PTK7: variants seen among roughly 807,000 people sequenced by gnomAD.
PTK7 encodes the protein protein tyrosine kinase 7 (inactive).
PTK7 carries 39 observed loss-of-function variants against 116.6 expected under a neutral mutation model. The ratio of observed to expected loss-of-function variants is 0.33; its 90% confidence interval spans 0.26 to 0.44. The LOEUF (loss-of-function observed/expected upper bound fraction) is 0.44, where lower values mean the gene tolerates loss of function less well. PTK7 is among the 20% of genes least tolerant of loss of function. The probability of loss-of-function intolerance (pLI) is 1.00; values close to 1 mark genes in which losing one functional copy is unlikely to be tolerated. For synonymous variants in PTK7, 546 were observed against 563.6 expected, an observed-to-expected ratio of 0.97 and a Z score of 0.44; for missense variants, 1,169 against 1,425.6, an observed-to-expected ratio of 0.82 and a Z score of 2.90.
chr6:43,129,529 G>A lies in PTK7; in HGVS notation c.368-198G>A. ...AGGGCGGCCGAGCCCTTGGCCAAGT[G>A]TCAGACTTGACCTGCCAGGGACCAG... On this transcript the variant is annotated intron_variant, in intron 2 of 19. Transcript: ENST00000230419. The surrounding 1 kb of genome is among the most constrained non-coding windows in gnomAD (Gnocchi z 4.5). 1 of 688,536 alleles carries A rather than the reference G, an allele frequency of 1.5e-6. No homozygotes were observed. Among genetic ancestry groups the A allele is most frequent in the East Asian group, 2.7e-5 (1 of 36,710 alleles). The allele number at this position is 688,536 out of a possible 1,614,324, so 42.7% of individuals were successfully genotyped here.
chr6:43,103,456 G>GGT (rs3840390), intron 1 of PTK7, among the ~76,000 whole-genome samples: 17,135 of 150,202 alleles, frequency 0.11, 1,674 homozygotes, highest in African/African-American at 0.27. Flanking sequence ...GAGTATTACA[G>GGT]GTGTGTGTGT....
At position 43,129,043 on chromosome 6, in the gene PTK7, C is replaced by T. The variant is rs1277236413; in HGVS notation, c.146C>T (p.Ala49Val). The T allele has an allele frequency of 6.8e-6, 11 of 1,614,052 alleles. No homozygotes were observed. Among genetic ancestry groups the T allele is most frequent in the Admixed American group, 6.7e-5 (4 of 60,006 alleles). ...SSQDALQGRR[A>V]LLRCEVEAPG... ...CAGGATGCACTGCAGGGGCGCCGGGCGCTGCTTCGCTGTGAGGTTGAGGCT... is the reference window on the plus strand; with the variant it reads ...CAGGATGCACTGCAGGGGCGCCGGGTGCTGCTTCGCTGTGAGGTTGAGGCT... The change falls in exon 2 of 20, where the codon GCG becomes GTG. Residue 49 changes from alanine to valine, a missense_variant. This residue lies in a region of PTK7 where 487 missense variants were observed against 549.8 expected (regional missense o/e 0.89). Transcript: ENST00000230419. This position sits in a 1 kb window ranked among gnomAD's most constrained non-coding sequence, Gnocchi z 4.5.
chr6:43,155,253 G>A (rs1771355715), intron 17 of PTK7, among the ~76,000 whole-genome samples: 2 of 151,990 alleles, frequency 1.3e-5, no homozygotes, highest in African/African-American at 2.4e-5. Context: ...GAACTCCTGG[G>A]CTCAAGCAAT....
chr6:43,130,793 T>A (rs1282405811), intron 5 of PTK7, 132 bp downstream of exon 5: 42 of 1,297,980 alleles, frequency 3.2e-5, no homozygotes, highest in Non-Finnish European at 4.1e-5. Context: ...GAGACACAGT[T>A]GAATGTTTTG....
chr6:43,130,632 G>A lies in PTK7; in HGVS notation c.783G>A (p.Glu261=). The change falls in exon 5 of 20, where the codon GAG becomes GAA. Residue 261 remains glutamate (E), a synonymous_variant. Coordinates refer to ENST00000230419, the MANE Select transcript of PTK7 (RefSeq NM_002821.5). ...CCCCGAGCCTGCAGTGGCTCTTTGA[G>A]GATGAGACTCCCATCACTAACCGCA... The part of the protein sequence containing the change: ...QPPPSLQWLF[E]DETPITNRSR... The A allele has an allele frequency of 6.2e-7, 1 of 1,614,216 alleles. No homozygotes were observed. Among genetic ancestry groups the A allele is most frequent in the Non-Finnish European group, 8.5e-7 (1 of 1,180,036 alleles).
chr6:43,093,123 C>G (rs1289440646), intron 1 of PTK7, among the ~76,000 whole-genome samples: 2 of 147,752 alleles, frequency 1.4e-5, no homozygotes, highest in Non-Finnish European at 3.0e-5. Context: ...GTGTCCCTAA[C>G]AAGGCAGACA....
chr6:43,145,635 C>CA lies in PTK7; in HGVS notation c.2640+204dup, dbSNP rs1770685093. ...TCTTGGATGCCTGCTTTCCCTTTAT[C>CA]AGCACCCAGTCTTTCCATCTGTATC... On this transcript the variant is annotated intron_variant, in intron 16 of 19. Coordinates refer to ENST00000230419, the MANE Select transcript of PTK7 (RefSeq NM_002821.5). The surrounding 1 kb of genome is among the most constrained non-coding windows in gnomAD (Gnocchi z 4.8). 2.5e-6 allele frequency: 1 copy of CA among 395,864 alleles called. No homozygotes were observed. The highest frequency in any genetic ancestry group is 2.0e-5 in the African/African-American group (1 of 49,598). The allele number at this position is 395,864 out of a possible 1,614,324, so 24.5% of individuals were successfully genotyped here.
At chr6:43,160,024 A>G in intron 19 of PTK7, 58 bp downstream of exon 19, 1 of 1,526,962 alleles carries the variant, frequency 6.5e-7, no homozygotes, top group Non-Finnish European at 8.8e-7. Flanking sequence ...GGGCCTACTC[A>G]GGGCCCCAGG....
intron 1 of PTK7, among the ~76,000 whole-genome samples, chr6:43,082,256 A>G (rs967165352): frequency 1.3e-5 from 2 of 151,824 alleles, no homozygotes; most frequent in African/African-American, 2.4e-5. Flanking sequence ...GCTCACTGCA[A>G]CCTCCACCTC....
intron 1 of PTK7, among the ~76,000 whole-genome samples, chr6:43,121,061 T>G (rs1163339296): frequency 2.7e-5 from 4 of 146,080 alleles, no homozygotes; most frequent in Middle Eastern, 3.5e-3. Flanking sequence ...TTTCTGTTTT[T>G]TTTTTTTTTT....
intron 17 of PTK7, among the ~76,000 whole-genome samples, chr6:43,154,837 A>G (rs990828913): frequency 1.3e-5 from 2 of 152,218 alleles, no homozygotes; most frequent in African/African-American, 2.4e-5. Context: ...CAGCAGCCCA[A>G]CCTCTGTGCC....
intron 1 of PTK7, among the ~76,000 whole-genome samples, chr6:43,085,867 A>C (rs1766620301): frequency 7.0e-6 from 1 of 142,444 alleles, no homozygotes; most frequent in African/African-American, 2.6e-5. Context: ...CGGGAGGCCG[A>C]GGTTGTGGTG....
chr6:43,115,802 T>G (rs1768477071), intron 1 of PTK7, among the ~76,000 whole-genome samples: 1 of 151,364 alleles, frequency 6.6e-6, no homozygotes, highest in African/African-American at 2.4e-5. Context: ...CCTGGCACTG[T>G]GGCGGGTGTC....
rs767965571 is a variant in PTK7 at position 43,160,030 on chromosome 6, C to T, written c.3052+64C>T. 4.6e-6 allele frequency: 7 copies of T among 1,532,100 alleles called. No homozygotes were observed. The African/African-American group carries it at 8.3e-5, about 18-fold the overall frequency. 94.9% of individuals were successfully genotyped at this position (1,532,100 alleles called of 1,614,324 possible). On this transcript the variant is annotated intron_variant, in intron 19 of 19. Transcript: ENST00000230419. ...CCCCAGATGGGGCCTACTCAGGGCC[C>T]CAGGGCTGGTTCAGCCTACCTCCCT...
In PTK7 at chr6:43,161,038, C is replaced by G. The variant is rs1270136579; in HGVS notation, c.*157C>G. ...TCTGAGCAGGGCCTGGCCTTTCCTC[C>G]TCTTCCTCACCCTCATCCTTTGGGA... On this transcript the variant is annotated 3_prime_UTR_variant, in exon 20 of 20. Coordinates refer to ENST00000230419, the MANE Select transcript of PTK7 (RefSeq NM_002821.5). The G allele has an allele frequency of 1.9e-6, 2 of 1,063,006 alleles. No individual in the cohort carries two copies. Among genetic ancestry groups the G allele is most frequent in the South Asian group, 1.7e-5 (1 of 58,368 alleles). The allele number at this position is 1,063,006 out of a possible 1,614,324, so 65.8% of individuals were successfully genotyped here.
chr6:43,129,256 A>C lies in PTK7; in HGVS notation c.359A>C (p.Asn120Thr). The change falls in exon 2 of 20, where the codon AAC becomes ACC. Residue 120 changes from asparagine to threonine, a missense_variant. By Grantham distance (65) the Asn-to-Thr change is moderately conservative. Around this residue, in one of 3 missense-constraint regions of PTK7, gnomAD observed 487 missense variants for 549.8 expected, o/e 0.89. Coordinates refer to ENST00000230419, the MANE Select transcript of PTK7 (RefSeq NM_002821.5). The surrounding 1 kb of genome is among the most constrained non-coding windows in gnomAD (Gnocchi z 4.5). ...EEARSANASF[N>T]IKWIEAGPVV... ...GCCCGCAGTGCCAACGCCTCCTTCA[A>C]CATCAAATGTGAGAGCCAGGGGGGC... 6.2e-7 allele frequency: 1 copy of C among 1,614,060 alleles called. No individual in the cohort carries two copies. The highest frequency in any genetic ancestry group is 2.2e-5 in the East Asian group (1 of 44,874).
chr6:43,077,450 G>C (rs982869820), intron 1 of PTK7, among the ~76,000 whole-genome samples: 10 of 152,082 alleles, frequency 6.6e-5, no homozygotes, highest in Non-Finnish European at 1.5e-4. Flanking sequence ...GCATTTTAAC[G>C]AGGGTGTGGC....
Position 43,076,671 on chromosome 6 carries a change from G to T in PTK7, c.79+104G>T. 7.1e-7 allele frequency: 1 copy of T among 1,416,154 alleles called. No individual in the cohort carries two copies. The highest frequency in any genetic ancestry group is 9.4e-7 in the Non-Finnish European group (1 of 1,063,266). The allele number at this position is 1,416,154 out of a possible 1,614,324, so 87.7% of individuals were successfully genotyped here. A position where few individuals can be genotyped will look rare whatever the true frequency, so the allele number is the denominator to read the frequency against. Reference sequence around the variant, plus strand: ...GGGTTTGGGCGGCTGGAACGGCCCTGGAGTAGTGGAGAGGCTCGCTGGGGG... The same window carrying T: ...GGGTTTGGGCGGCTGGAACGGCCCTTGAGTAGTGGAGAGGCTCGCTGGGGG... On this transcript the variant is annotated intron_variant, in intron 1 of 19. Transcript: ENST00000230419. The surrounding 1 kb of genome is among the most constrained non-coding windows in gnomAD (Gnocchi z 5.7).
intron 16 of PTK7, among the ~76,000 whole-genome samples, 157 bp from the exon 17 acceptor site, chr6:43,146,461 A>C (rs766128384): frequency 2.0e-5 from 1 of 51,152 alleles, no homozygotes; most frequent in Admixed American, 2.5e-4. Flanking sequence ...AAAGTTCTGC[A>C]CTCCCAGTGA....
Sources: gnomAD v4.1 joint callset for allele counts (sites outside exome capture counted in the v4.1 genomes callset) on GRCh38, gnomAD v4.1.1 for gene constraint, gnomAD v4.1.1 regional missense constraint, Gnocchi (gnomAD v3.1) non-coding constraint, MANE v1.5 for transcripts, NCBI Gene and HGNC (gene_info 2026-07-23, HGNC 2026-07-21) for gene names.